Variants in SCLT1 observed in about 807,000 individuals in gnomAD.
SCLT1 encodes sodium channel and clathrin linker 1.
A neutral mutation model predicts 112.8 loss-of-function variants in SCLT1; 78 were observed. The ratio of observed to expected loss-of-function variants is 0.69; its 90% CI spans 0.58 to 0.83. The LOEUF (loss-of-function observed/expected upper bound fraction) is 0.83, where lower values mean the gene tolerates loss of function less well. Among genes scored for constraint, SCLT1 ranks in the 40% least tolerant of loss-of-function variants. The pLI, the probability that SCLT1 is intolerant of heterozygous loss-of-function variation, is 0.00. For synonymous variants in SCLT1, 257 were observed against 254.7 expected (o/e 1.01, Z -0.09); for missense variants, 747 against 770.4 (o/e 0.97, Z 0.36).
At chr4:129,027,144 C>T (rs1389092878) in intron 5 of SCLT1, among the ~76,000 whole-genome samples, 1 of 152,128 alleles carries the variant, frequency 6.6e-6, no homozygotes, top group African/African-American at 2.4e-5. Flanking sequence ...TGGTACCATT[C>T]CTTCCGAAAC....
intron 18 of SCLT1, among the ~76,000 whole-genome samples, chr4:128,900,352 C>T (rs550612357): frequency 6.6e-6 from 1 of 151,994 alleles, no homozygotes; most frequent in Admixed American, 6.6e-5. Context: ...GAACAGAACA[C>T]AGCCCTCAGA....
chr4:128,917,785 C>G (rs1448793093), intron 18 of SCLT1, among the ~76,000 whole-genome samples: 1 of 152,150 alleles, frequency 6.6e-6, no homozygotes, highest in Non-Finnish European at 1.5e-5. Flanking sequence ...AATACTTCCT[C>G]TTTCCTGGAT....
chr4:129,080,533 T>C (rs1306994510), intron 2 of SCLT1, among the ~76,000 whole-genome samples: 5 of 152,178 alleles, frequency 3.3e-5, no homozygotes, highest in Non-Finnish European at 7.3e-5. Context: ...TTACACTAGT[T>C]CCCAGTAAGC....
chr4:128,958,984 T>C (rs921193051), intron 12 of SCLT1, among the ~76,000 whole-genome samples: 1 of 152,154 alleles, frequency 6.6e-6, no homozygotes, highest in African/African-American at 2.4e-5. Context: ...GGTAAATAAA[T>C]TAATGATTTA....
intron 14 of SCLT1, among the ~76,000 whole-genome samples, chr4:128,949,676 A>G (rs1291235123): frequency 6.6e-6 from 1 of 152,058 alleles, no homozygotes; most frequent in African/African-American, 2.4e-5. Flanking sequence ...GATGGTTTCC[A>G]GCTTCATCCA....
intron 1 of SCLT1, 119 bp downstream of exon 1, chr4:129,092,944 TGCAACTA>T (rs1356541775): frequency 1.4e-6 from 1 of 729,568 alleles, no homozygotes; most frequent in African/African-American, 1.8e-5. Context: ...TTTTTTTTCC[TGCAACTA>T]ACTTCTTTAA....
intron 18 of SCLT1, among the ~76,000 whole-genome samples, chr4:128,932,507 C>T (rs1736856478): frequency 1.3e-5 from 2 of 152,100 alleles, no homozygotes; most frequent in African/African-American, 2.4e-5. Context: ...CAGCTAACAT[C>T]ATACTTAATG....
intron 18 of SCLT1, among the ~76,000 whole-genome samples, chr4:128,897,327 G>A (rs13151893): frequency 0.032 from 4,903 of 152,016 alleles, 126 homozygotes; most frequent in Middle Eastern, 0.099. Context: ...CTGATCTCTC[G>A]GCAGAAACTC....
chr4:129,047,018 T>A (rs1748247012), intron 2 of SCLT1, among the ~76,000 whole-genome samples: 1 of 152,154 alleles, frequency 6.6e-6, no homozygotes, highest in Non-Finnish European at 1.5e-5. Context: ...GAAGACATTC[T>A]TCATATATTC....
chr4:128,950,535 T>C (rs1248566111), intron 14 of SCLT1, among the ~76,000 whole-genome samples: 3 of 152,142 alleles, frequency 2.0e-5, no homozygotes, highest in African/African-American at 4.8e-5. Flanking sequence ...CATGCCTACC[T>C]TTGGGGGAAA....
At chr4:129,023,090 A>G (rs1213972352) in intron 5 of SCLT1, among the ~76,000 whole-genome samples, 1 of 152,252 alleles carries the variant, frequency 6.6e-6, no homozygotes, top group Non-Finnish European at 1.5e-5. Flanking sequence ...AAAGACAAGC[A>G]AATGCTGAGG....
At chr4:128,986,742 C>T (rs1476443844) in intron 9 of SCLT1, among the ~76,000 whole-genome samples, 1 of 152,172 alleles carries the variant, frequency 6.6e-6, no homozygotes, top group Non-Finnish European at 1.5e-5. Context: ...ATGGGATGGA[C>T]CCCATCCTAG....
chr4:129,026,705 C>T (rs941157691), intron 5 of SCLT1, among the ~76,000 whole-genome samples: 8 of 152,210 alleles, frequency 5.3e-5, no homozygotes, highest in Admixed American at 2.0e-4. Flanking sequence ...AAGATCAGAG[C>T]AGAACTGAAG....
chr4:128,989,419 T>C (rs1220956652), intron 9 of SCLT1, among the ~76,000 whole-genome samples: 1 of 151,746 alleles, frequency 6.6e-6, no homozygotes, highest in Non-Finnish European at 1.5e-5. Context: ...AAAAATTTGT[T>C]GAGACAAATA....
downstream of SCLT1, among the ~76,000 whole-genome samples, chr4:128,883,731 C>G (rs984892449): frequency 5.9e-5 from 9 of 152,140 alleles, no homozygotes; most frequent in African/African-American, 2.2e-4. Context: ...AGATGCAAAC[C>G]TCTCTGCTTT....
chr4:128,949,832 T>C (rs1738552241), intron 14 of SCLT1, among the ~76,000 whole-genome samples: 1 of 133,202 alleles, frequency 7.5e-6, no homozygotes, highest in African/African-American at 3.1e-5. Flanking sequence ...TAGTGGGGTA[T>C]GGCTTTTTTT....
chr4:128,901,404 A>C (rs956955361), intron 18 of SCLT1, among the ~76,000 whole-genome samples: 2 of 152,092 alleles, frequency 1.3e-5, no homozygotes, highest in African/African-American at 4.8e-5. Flanking sequence ...CATCATTCTC[A>C]GCAAACTATC....
chr4:128,965,188 A>T, intron 11 of SCLT1, 39 bp downstream of exon 11: 1 of 1,005,558 alleles, frequency 9.9e-7, no homozygotes, highest in Non-Finnish European at 1.6e-6. Flanking sequence ...AATATCTTTT[A>T]AAGCATATCA....
At chr4:128,936,269 C>T (rs1737173536) in intron 18 of SCLT1, among the ~76,000 whole-genome samples, 1 of 152,064 alleles carries the variant, frequency 6.6e-6, no homozygotes, top group Non-Finnish European at 1.5e-5. Context: ...GATCTCATTC[C>T]TATGTTGAAG....
Sources: allele counts gnomAD v4.1 joint callset (sites outside exome capture counted in the v4.1 genomes callset), GRCh38; gene constraint gnomAD v4.1.1; transcripts MANE v1.5; gene names NCBI Gene and HGNC (gene_info 2026-07-23, HGNC 2026-07-21).